SYT16: variants seen among roughly 807,000 people sequenced by gnomAD.
SYT16 encodes the protein synaptotagmin-16.
In SYT16, 42 loss-of-function variants were observed where a neutral mutation model predicts 61.4. The observed-to-expected ratio is 0.68, with a 90% confidence interval of 0.53 to 0.89. The LOEUF (loss-of-function observed/expected upper bound fraction) is 0.89. Among genes scored for constraint, SYT16 ranks in the 40% least tolerant of loss-of-function variants. The probability of loss-of-function intolerance (pLI) is 0.00; values close to 1 mark genes in which losing one functional copy is unlikely to be tolerated. For missense variants in SYT16, 804 were observed against 807.3 expected (o/e 1.00, Z 0.05); for synonymous variants, 314 against 302.3 (o/e 1.04, Z -0.40).
Position 61,996,070 on chromosome 14 carries a change from C to A in SYT16, c.51C>A (p.Phe17Leu). ...ATGTTCAGAACTTCTTCCAGCCTTT[C>A]TCTTCCTGGATATCTCGGGTTTATG... Reference protein sequence around the residue: ...SQDVQNFFQPFSSWISRVYEA... With the variant: ...SQDVQNFFQPLSSWISRVYEA... The change falls in exon 3 of 8, where the codon TTC (phenylalanine) becomes TTA (leucine). Residue 17 changes from phenylalanine (F) to leucine (L), a missense_variant. Coordinates refer to ENST00000683842, the MANE Select transcript of SYT16 (RefSeq NM_001367656.1). 1 of 1,610,730 alleles carries A rather than the reference C, an allele frequency of 6.2e-7. No homozygotes were observed. The highest frequency in any genetic ancestry group is 8.5e-7 in the Non-Finnish European group (1 of 1,178,216).
chr14:62,088,837 T>A (rs2056973495), intron 7 of SYT16, among the ~76,000 whole-genome samples: 1 of 152,168 alleles, frequency 6.6e-6, no homozygotes, highest in African/African-American at 2.4e-5. Flanking sequence ...ATTTTAAATT[T>A]TAGGTATAAT....
At chr14:61,839,133 T>C (rs1309024205) in intron 1 of SYT16, among the ~76,000 whole-genome samples, 2 of 152,226 alleles carry the variant, frequency 1.3e-5, no homozygotes, top group Non-Finnish European at 2.9e-5. Flanking sequence ...GTAGTCTAAA[T>C]GTGCCCTCCA....
At chr14:61,914,827 C>T (rs986258186) in intron 1 of SYT16, among the ~76,000 whole-genome samples, 1 of 152,184 alleles carries the variant, frequency 6.6e-6, no homozygotes, top group Non-Finnish European at 1.5e-5. Context: ...TTAGCCTGTT[C>T]TCCAGACAGC....
intron 5 of SYT16, among the ~76,000 whole-genome samples, chr14:62,080,274 A>C (rs2056661615): frequency 6.6e-6 from 1 of 152,252 alleles, no homozygotes; most frequent in African/African-American, 2.4e-5. Flanking sequence ...CTACTGAATC[A>C]GAATCCTCAG....
At chr14:61,902,602 C>T (rs766692222) in intron 1 of SYT16, among the ~76,000 whole-genome samples, 2 of 152,156 alleles carry the variant, frequency 1.3e-5, no homozygotes, top group Non-Finnish European at 2.9e-5. Flanking sequence ...ATCAAGGTGT[C>T]CCAGGGTCAT....
In SYT16 at chr14:61,939,610, G is replaced by T. The variant is rs147252893; in HGVS notation, c.-324-30522G>T. On this transcript the variant is annotated intron_variant, in intron 1 of 7. Transcript: ENST00000683842. ...TGGCCAGATTTCCTCTTTTTATGAGGATGCCAGTCGTGTTGGATCTGGGCC... is the reference window on the plus strand; with the variant it reads ...TGGCCAGATTTCCTCTTTTTATGAGTATGCCAGTCGTGTTGGATCTGGGCC... Among the ~76,000 whole-genome samples, 175 of 152,252 alleles carry T rather than the reference G, an allele frequency of 1.1e-3. 2 individuals are homozygous for T. Among genetic ancestry groups the T allele is most frequent in the African/African-American group, 4.1e-3 (169 of 41,546 alleles).
chr14:61,939,667 A>G (rs562661086), intron 1 of SYT16, among the ~76,000 whole-genome samples: 1 of 152,218 alleles, frequency 6.6e-6, no homozygotes, highest in South Asian at 2.1e-4. Flanking sequence ...TCTTCTCTCT[A>G]AAGACCTTAT....
intron 1 of SYT16, among the ~76,000 whole-genome samples, chr14:61,911,757 A>C (rs2140382829): frequency 6.6e-6 from 1 of 152,362 alleles, no homozygotes; most frequent in South Asian, 2.1e-4. Context: ...CACTCGGTGC[A>C]GTGAACCTGT....
At chr14:61,968,044 T>C (rs1284386755) in intron 1 of SYT16, among the ~76,000 whole-genome samples, 1 of 151,972 alleles carries the variant, frequency 6.6e-6, no homozygotes, top group East Asian at 1.9e-4. Flanking sequence ...GAAGATCACT[T>C]GAGGTCAGGA....
At chr14:62,078,171 A>AC (rs745673892) in intron 5 of SYT16, among the ~76,000 whole-genome samples, 1 of 140,206 alleles carries the variant, frequency 7.1e-6, no homozygotes, top group African/African-American at 2.8e-5. Context: ...ATATATATAT[A>AC]AACACACACA....
rs2057417083 is a variant in SYT16 at position 62,101,452 on chromosome 14, T to C, written c.*745T>C. On this transcript the variant is annotated 3_prime_UTR_variant, in exon 8 of 8. Transcript: ENST00000683842. ...TGACTTTCAAGGTTTTTATGCTGTC[T>C]TTCTCACCCAATAAGTTCTTACAGA... 1 of 152,316 alleles carries C rather than the reference T, an allele frequency of 6.6e-6. No homozygotes were observed. Among genetic ancestry groups the C allele is most frequent in the South Asian group, 2.1e-4 (1 of 4,826 alleles). The allele number at this position is 152,316 out of a possible 1,614,324, so 9.4% of individuals were successfully genotyped here. A position where few individuals can be genotyped will look rare whatever the true frequency, so the allele number is the denominator to read the frequency against.
chr14:61,857,145 T>C (rs1177535917), intron 1 of SYT16, among the ~76,000 whole-genome samples: 1 of 126,646 alleles, frequency 7.9e-6, no homozygotes, highest in Non-Finnish European at 1.8e-5. Context: ...TGCTCCAGAC[T>C]GTGGGGTCAG....
chr14:62,019,731 A>C (rs1396333686), intron 3 of SYT16, among the ~76,000 whole-genome samples: 1 of 152,246 alleles, frequency 6.6e-6, no homozygotes, highest in Non-Finnish European at 1.5e-5. Flanking sequence ...ATCAGACAAT[A>C]GGCAGAGTGT....
intron 1 of SYT16, among the ~76,000 whole-genome samples, chr14:61,969,742 T>C (rs996779222): frequency 1.2e-4 from 19 of 152,208 alleles, no homozygotes; most frequent in Admixed American, 1.2e-3. Flanking sequence ...GCTGCATTTT[T>C]GGAGACTTGC....
chr14:62,012,210 T>C (rs1434974788), intron 3 of SYT16, among the ~76,000 whole-genome samples: 2 of 152,166 alleles, frequency 1.3e-5, no homozygotes, highest in African/African-American at 4.8e-5. Flanking sequence ...ATAATCAAAG[T>C]ATCAGCTGGG....
chr14:61,898,250 C>T (rs217678), intron 1 of SYT16, among the ~76,000 whole-genome samples: 2 of 152,162 alleles, frequency 1.3e-5, no homozygotes, highest in African/African-American at 4.8e-5. Context: ...CACCTCCCCC[C>T]ACTCCTACCT....
At chr14:61,891,173 G>T (rs2048110750) in intron 1 of SYT16, among the ~76,000 whole-genome samples, 1 of 151,874 alleles carries the variant, frequency 6.6e-6, no homozygotes, top group African/African-American at 2.4e-5. Flanking sequence ...GAGCATTTGA[G>T]AACTGAATCC....
intron 5 of SYT16, chr14:62,079,302 C>T (rs952705683): frequency 9.2e-7 from 1 of 1,087,456 alleles, no homozygotes; most frequent in African/African-American, 1.6e-5. Context: ...ATATAAGAAG[C>T]TTCACTTATT....
intron 7 of SYT16, among the ~76,000 whole-genome samples, chr14:62,093,782 CATT>C (rs2057175551): frequency 6.6e-6 from 1 of 152,116 alleles, no homozygotes; most frequent in South Asian, 2.1e-4. Flanking sequence ...ATGCACTCTT[CATT>C]ACTGACAAAA....
Sources: allele counts gnomAD v4.1 joint callset (sites outside exome capture counted in the v4.1 genomes callset), GRCh38; gene constraint gnomAD v4.1.1; transcripts MANE v1.5; gene names NCBI Gene and HGNC (gene_info 2026-07-23, HGNC 2026-07-21).